Variants in PLEKHH2 observed in about 807,000 individuals in gnomAD.
The protein encoded by PLEKHH2 is pleckstrin homology, MyTH4 and FERM domain containing H2.
In PLEKHH2, 129 loss-of-function variants were observed where a neutral mutation model predicts 187.9. That is an observed-to-expected ratio of 0.69 (90% CI 0.59 to 0.79). The LOEUF is 0.79. PLEKHH2 is among the 30% of genes least tolerant of loss of function. The probability of loss-of-function intolerance (pLI) is 0.00; values close to 1 mark genes in which losing one functional copy is unlikely to be tolerated. For synonymous variants in PLEKHH2, 686 were observed against 605.6 expected, an observed-to-expected ratio of 1.13 and a Z score of -1.95; for missense variants, 2,076 against 1,751.2, an observed-to-expected ratio of 1.19 and a Z score of -3.31.
At chr2:43,639,631 C>G (rs1263259546) in intron 1 of PLEKHH2, among the ~76,000 whole-genome samples, 2 of 147,794 alleles carry the variant, frequency 1.4e-5, no homozygotes, top group African/African-American at 5.0e-5. Flanking sequence ...GAATAATATT[C>G]CATTGTATGG....
intron 2 of PLEKHH2, among the ~76,000 whole-genome samples, chr2:43,671,590 G>T (rs1474432468): frequency 6.6e-6 from 1 of 152,046 alleles, no homozygotes; most frequent in Non-Finnish European, 1.5e-5. Flanking sequence ...GTTAGTTATA[G>T]GTTTTTTTGT....
intron 2 of PLEKHH2, chr2:43,675,609 T>G (rs1321077525): frequency 6.2e-7 from 1 of 1,613,578 alleles, no homozygotes; most frequent in Non-Finnish European, 8.5e-7. Flanking sequence ...CATCTCTTCC[T>G]TCATAATCCT....
intron 16 of PLEKHH2, among the ~76,000 whole-genome samples, chr2:43,721,842 G>A (rs188555639): frequency 6.6e-6 from 1 of 151,852 alleles, no homozygotes; most frequent in East Asian, 1.9e-4. Flanking sequence ...GCTGTGATTC[G>A]CACCATTGCA....
chr2:43,703,866 A>G, intron 8 of PLEKHH2, 115 bp from the exon 9 acceptor site: 1 of 677,558 alleles, frequency 1.5e-6, no homozygotes, highest in Non-Finnish European at 2.5e-6. Context: ...GCTGTACTCT[A>G]GTGAATCTTA....
At chr2:43,731,636 G>A in intron 19 of PLEKHH2, 34 bp downstream of exon 19, 9 of 1,335,666 alleles carry the variant, frequency 6.7e-6, no homozygotes, top group Non-Finnish European at 9.3e-6. Flanking sequence ...ATGATTTAAG[G>A]TAAAATACTT....
At chr2:43,727,091 A>G (rs1428081771) in intron 17 of PLEKHH2, among the ~76,000 whole-genome samples, 2 of 152,186 alleles carry the variant, frequency 1.3e-5, no homozygotes, top group East Asian at 3.9e-4. Context: ...CCTTTATCTG[A>G]GTTCTGAATC....
At chr2:43,682,028 C>A (rs1385676447) in intron 3 of PLEKHH2, among the ~76,000 whole-genome samples, 1 of 152,130 alleles carries the variant, frequency 6.6e-6, no homozygotes, top group East Asian at 1.9e-4. Context: ...TTAGTCAAGT[C>A]ATGCCTCATC....
chr2:43,742,977 G>T, intron 22 of PLEKHH2, 59 bp downstream of exon 22: 3 of 1,294,650 alleles, frequency 2.3e-6, no homozygotes, highest in Non-Finnish European at 2.0e-6. Flanking sequence ...CTCTGTTATA[G>T]GGAACAGAGA....
chr2:43,681,702 G>C (rs1304429409), intron 3 of PLEKHH2: 3 of 534,316 alleles, frequency 5.6e-6, no homozygotes, highest in Non-Finnish European at 6.6e-6. Context: ...AGGCCACTGA[G>C]GGCCAGGCAA....
At chr2:43,718,371 C>G (rs924906177) in intron 15 of PLEKHH2, among the ~76,000 whole-genome samples, 1 of 152,028 alleles carries the variant, frequency 6.6e-6, no homozygotes, top group African/African-American at 2.4e-5. Flanking sequence ...AACCCTGTCT[C>G]TACTAAAAAT....
At chr2:43,704,662 T>TAAAAAAAAAAAAAAAAAAA (rs70965318) in intron 9 of PLEKHH2, among the ~76,000 whole-genome samples, 2 of 84,294 alleles carry the variant, frequency 2.4e-5, no homozygotes, top group South Asian at 5.6e-4. Flanking sequence ...GATTCTGTCT[T>TAAAAAAAAAAAAAAAAAAA]AAAAAAAAAA....
intron 21 of PLEKHH2, 65 bp from the exon 22 acceptor site, chr2:43,742,676 G>T (rs1671619421): frequency 8.1e-7 from 1 of 1,231,720 alleles, no homozygotes; most frequent in Admixed American, 3.2e-5. Context: ...CTTTCTTAAT[G>T]GTTGCACATA....
Position 43,713,099 on chromosome 2 carries a change from A to AACACACACACACACAC in PLEKHH2, c.2460+719_2460+734dup, listed in dbSNP as rs10524364. On this transcript the variant is annotated intron_variant, in intron 15 of 29. Transcript: ENST00000282406. ...TGAGTGAACAAATCAATATCAAATC[A>AACACACACACACACAC]ACACACACACACACACACGCATATA... Among the ~76,000 whole-genome samples, 873 of 150,768 alleles carry AACACACACACACACAC rather than the reference A, an allele frequency of 5.8e-3. 18 individuals are homozygous for AACACACACACACACAC. Among genetic ancestry groups the AACACACACACACACAC allele is most frequent in the African/African-American group, 0.02 (810 of 41,040 alleles).
At chr2:43,695,246 A>G in intron 6 of PLEKHH2, 22 bp downstream of exon 6, 3 of 1,417,868 alleles carry the variant, frequency 2.1e-6, no homozygotes, top group Non-Finnish European at 2.9e-6. Context: ...TTACTAAGAT[A>G]GCTTAGTTGG....
chr2:43,713,869 A>G (rs567139146), intron 15 of PLEKHH2, among the ~76,000 whole-genome samples: 79 of 152,260 alleles, frequency 5.2e-4, no homozygotes, highest in African/African-American at 1.8e-3. Flanking sequence ...TTAATGTGGG[A>G]ATGTAGGTGG....
chr2:43,682,410 G>A (rs866585686), intron 3 of PLEKHH2, among the ~76,000 whole-genome samples: 15 of 151,956 alleles, frequency 9.9e-5, no homozygotes, highest in African/African-American at 2.9e-4. Context: ...GAGTTCAAGC[G>A]ATTCTCCTGC....
intron 3 of PLEKHH2, among the ~76,000 whole-genome samples, chr2:43,684,499 A>G (rs1668396716): frequency 6.6e-6 from 1 of 152,098 alleles, no homozygotes. Flanking sequence ...TAAATTAAGT[A>G]TTTTTTATTT....
intron 3 of PLEKHH2, among the ~76,000 whole-genome samples, chr2:43,685,338 A>G (rs1250344550): frequency 6.6e-6 from 1 of 152,224 alleles, no homozygotes; most frequent in African/African-American, 2.4e-5. Flanking sequence ...AATTAACTAA[A>G]TTGTCTGCAG....
In PLEKHH2 at chr2:43,706,374, A is replaced by G. The variant is rs762795762; in HGVS notation, c.1779A>G (p.Ile593Met). The change falls in exon 10 of 30, where the codon ATA (isoleucine) becomes ATG (methionine). Residue 593 changes from isoleucine (I) to methionine (M), a missense_variant. Coordinates refer to ENST00000282406, the MANE Select transcript of PLEKHH2 (RefSeq NM_172069.4). ...CATCAGGACTTTATACATCTCTGAT[A>G]TACAAGAACATGACCACCCCAGTGT... ...YTTSGLYTSL[I>M]YKNMTTPVYT... is the part of the protein sequence containing the mutation. 1.2e-6 allele frequency: 2 copies of G among 1,609,026 alleles called. No homozygotes were observed. The highest frequency in any genetic ancestry group is 1.7e-5 in the Admixed American group (1 of 59,978).
Sources: gnomAD v4.1 joint callset for allele counts (sites outside exome capture counted in the v4.1 genomes callset) on GRCh38, gnomAD v4.1.1 for gene constraint, MANE v1.5 for transcripts, NCBI Gene and HGNC (gene_info 2026-07-23, HGNC 2026-07-21) for gene names.